The following ANXA4 variants were observed in gnomAD, a reference collection of about 807,000 sequenced individuals.
ANXA4 encodes the protein annexin A4, also known as 35-beta calcimedin.
Under a neutral mutation model 49.8 loss-of-function variants are expected in ANXA4, and 39 were observed. The ratio of observed to expected loss-of-function variants is 0.78; its 90% CI spans 0.61 to 1.02. ANXA4 has a LOEUF of 1.02. Among genes scored for constraint, ANXA4 ranks in the 50% least tolerant of loss-of-function variants. ANXA4 has a pLI of 0.00. For missense variants in ANXA4, 360 were observed against 410.1 expected (o/e 0.88, Z 1.05); for synonymous variants, 134 against 152.5 (o/e 0.88, Z 0.89).
At chr2:69,663,241 G>A (rs1466490202) in intron 2 of ANXA4, among the ~76,000 whole-genome samples, 4 of 138,644 alleles carry the variant, frequency 2.9e-5, no homozygotes, top group South Asian at 2.2e-4. Flanking sequence ...TGATCCTCCC[G>A]TCTCGGCCTC....
At position 69,810,760 on chromosome 2, in the gene ANXA4, T is replaced by C. The variant is rs965245124; in HGVS notation, c.477+87T>C. On this transcript the variant is annotated intron_variant, in intron 7 of 12. Coordinates refer to ENST00000394295, the MANE Select transcript of ANXA4 (RefSeq NM_001153.5). ...CAGCCTTTCTCATCCTTTCAGCCCC[T>C]GACATGTGGATATTCCCCAGGTAGT... 9.5e-6 allele frequency: 10 copies of C among 1,051,576 alleles called. No individual in the cohort carries two copies. In the East Asian group the frequency reaches 2.2e-4, roughly 23 times the overall value. The allele number at this position is 1,051,576 out of a possible 1,614,324, so 65.1% of individuals were successfully genotyped here. A position where few individuals can be genotyped will look rare whatever the true frequency, so the allele number is the denominator to read the frequency against.
rs1177266386 is a variant in ANXA4 at position 69,757,266 on chromosome 2, A to ATT, written c.-47+15113_-47+15114dup. ...TATATATATATATATATATATATAT[A>ATT]TTTTTTTTTTTTTTTTTTTTTTTAG... On this transcript the variant is annotated intron_variant, in intron 1 of 12. Coordinates refer to ENST00000394295, the MANE Select transcript of ANXA4 (RefSeq NM_001153.5). Among the ~76,000 whole-genome samples, 270 of 27,638 alleles carry ATT rather than the reference A, an allele frequency of 9.8e-3. 6 individuals carry two copies. The highest frequency in any genetic ancestry group is 0.022 in the South Asian group (11 of 494). The allele number at this position is 27,638 out of a possible 152,430, so 18.1% of individuals were successfully genotyped here. A position where few individuals can be genotyped will look rare whatever the true frequency, so the allele number is the denominator to read the frequency against.
At chr2:69,819,780 G>A (rs1187324093) in intron 11 of ANXA4, among the ~76,000 whole-genome samples, 3 of 152,056 alleles carry the variant, frequency 2.0e-5, no homozygotes, top group Admixed American at 2.0e-4. Context: ...TCAAAATGTA[G>A]TCTTTGGCCA....
intron 1 of ANXA4, among the ~76,000 whole-genome samples, chr2:69,777,077 G>C (rs1472124507): frequency 6.6e-6 from 1 of 152,182 alleles, no homozygotes; most frequent in African/African-American, 2.4e-5. Context: ...ATCAGGAACA[G>C]CCAAATGGAA....
At chr2:69,807,717 T>C (rs1439084150) in intron 5 of ANXA4, among the ~76,000 whole-genome samples, 189 bp from the exon 6 acceptor site, 1 of 152,192 alleles carries the variant, frequency 6.6e-6, no homozygotes, top group Non-Finnish European at 1.5e-5. Flanking sequence ...ATGTTTGTTA[T>C]TACTCATAAT....
intron 1 of ANXA4, among the ~76,000 whole-genome samples, chr2:69,774,691 A>C (rs778449310): frequency 3.9e-5 from 6 of 152,174 alleles, no homozygotes; most frequent in Non-Finnish European, 5.9e-5. Flanking sequence ...TAACAGGCAT[A>C]TTCAGCAGAC....
intron 2 of ANXA4, among the ~76,000 whole-genome samples, chr2:69,665,063 A>G (rs911084997): frequency 6.6e-6 from 1 of 152,212 alleles, no homozygotes; most frequent in Non-Finnish European, 1.5e-5. Flanking sequence ...AGATCGCGCC[A>G]CTGCATTCTA....
At position 69,661,080 on chromosome 2, in the gene ANXA4, A is replaced by C. The variant is rs1223256714; in HGVS notation, n.766+7798A>C. On this transcript the variant is annotated intron_variant and non_coding_transcript_variant, in intron 2 of 3. Transcript: ENST00000418066. ...CACAAGAAAACAGCAATTAGACAGA[A>C]GACTTCTCATGACAACAATACAGGC... Among the ~76,000 whole-genome samples, 3 of 152,112 alleles carry C rather than the reference A, an allele frequency of 2.0e-5. No homozygotes were observed. In the East Asian group the frequency reaches 5.8e-4, roughly 29 times the overall value.
chr2:69,696,278 G>C (rs1006906424), intron 2 of ANXA4, among the ~76,000 whole-genome samples: 3 of 152,176 alleles, frequency 2.0e-5, no homozygotes, highest in African/African-American at 7.2e-5. Flanking sequence ...ACCAGAAGCA[G>C]CTTCCATCTC....
intron 3 of ANXA4, among the ~76,000 whole-genome samples, chr2:69,789,530 C>A (rs973053218): frequency 2.0e-5 from 3 of 152,102 alleles, no homozygotes; most frequent in Non-Finnish European, 4.4e-5. Flanking sequence ...AGGTTGCAGA[C>A]AGACACACAC....
At chr2:69,823,372 A>G in intron 12 of ANXA4, among the ~76,000 whole-genome samples, 1 of 151,656 alleles carries the variant, frequency 6.6e-6, no homozygotes, top group Non-Finnish European at 1.5e-5. Flanking sequence ...TAAAATATGT[A>G]AATAATAGAA....
intron 9 of ANXA4, chr2:69,816,528 G>A (rs1674001702): frequency 4.9e-6 from 1 of 203,868 alleles, no homozygotes. Context: ...GTAATCTGTA[G>A]TAGATCAGGT....
intron 1 of ANXA4, among the ~76,000 whole-genome samples, chr2:69,775,120 C>G (rs1671911683): frequency 6.6e-6 from 1 of 152,194 alleles, no homozygotes. Context: ...CCTGTGGTTT[C>G]AATCGTTTCA....
chr2:69,656,263 ATATATG>A lies in ANXA4; in HGVS notation n.766+2987_766+2992del, dbSNP rs773089780. 9.7e-3 allele frequency among the ~76,000 whole-genome samples: 1,329 copies of A among 136,676 alleles called. 188 individuals carry two copies. The highest frequency in any genetic ancestry group is 0.074 in the East Asian group (287 of 3,880). The allele number at this position is 136,676 out of a possible 152,430, so 89.7% of individuals were successfully genotyped here. On this transcript the variant is annotated intron_variant and non_coding_transcript_variant, in intron 2 of 3. Coordinates refer to the ANXA4 transcript ENST00000418066. ...TACGTATATATATGTATATACGTAT[ATATATG>A]TATATACGTATATATATACATATAT... is the stretch of plus-strand genomic sequence containing the variant.
intron 3 of ANXA4, among the ~76,000 whole-genome samples, chr2:69,728,388 C>G (rs59451097): frequency 6.6e-6 from 1 of 152,076 alleles, no homozygotes; most frequent in East Asian, 1.9e-4. Flanking sequence ...TTTAATATAA[C>G]TGAATTTATT....
intron 2 of ANXA4, among the ~76,000 whole-genome samples, chr2:69,678,478 C>T (rs1317703739): frequency 1.3e-5 from 2 of 148,244 alleles, no homozygotes; most frequent in Non-Finnish European, 3.0e-5. Context: ...ACTGCAGCCT[C>T]AACCTCCTGG....
intron 1 of ANXA4, among the ~76,000 whole-genome samples, chr2:69,764,519 G>T (rs551280531): frequency 1.1e-4 from 16 of 152,170 alleles, no homozygotes; most frequent in Admixed American, 9.8e-4. Flanking sequence ...TAACAGCAGC[G>T]TGCTTCCCTG....
chr2:69,646,589 A>T (rs1382725368), intron 1 of ANXA4, among the ~76,000 whole-genome samples: 1 of 152,224 alleles, frequency 6.6e-6, no homozygotes, highest in African/African-American at 2.4e-5. Context: ...TACTATTGTT[A>T]CAATAGTGAT....
At chr2:69,772,804 G>A (rs570755770) in intron 1 of ANXA4, among the ~76,000 whole-genome samples, 123 of 152,192 alleles carry the variant, frequency 8.1e-4, no homozygotes, top group African/African-American at 1.0e-3. Context: ...AGATCATGAG[G>A]TCAGGAGATC....
Sources: allele counts gnomAD v4.1 joint callset (sites outside exome capture counted in the v4.1 genomes callset), GRCh38; gene constraint gnomAD v4.1.1; transcripts MANE v1.5; gene names NCBI Gene and HGNC (gene_info 2026-07-23, HGNC 2026-07-21).